Variants in GLI3 observed in about 807,000 individuals in gnomAD.
The protein encoded by GLI3 is transcription activator GLI3.
A neutral mutation model predicts 100.8 loss-of-function variants in GLI3; 20 were observed. That is an observed-to-expected ratio of 0.20 (90% confidence interval 0.14 to 0.29). The LOEUF is 0.29. Ranked by LOEUF, GLI3 falls within the 10% of genes least tolerant of loss-of-function variation. The pLI is 1.00. For missense variants in GLI3, 2,040 were observed against 2,128.5 expected (o/e 0.96, Z 0.82); for synonymous variants, 938 against 860.5 (o/e 1.09, Z -1.58).
chr7:42,171,980 G>A (rs927579426), intron 2 of GLI3, among the ~76,000 whole-genome samples: 8 of 152,154 alleles, frequency 5.3e-5, no homozygotes, highest in Middle Eastern at 3.4e-3. Flanking sequence ...TCCAAAGGAC[G>A]GGGGTGGGGG....
chr7:42,145,944 G>A (rs1452082855), intron 3 of GLI3, among the ~76,000 whole-genome samples: 3 of 152,156 alleles, frequency 2.0e-5, no homozygotes, highest in Non-Finnish European at 4.4e-5. Flanking sequence ...AGAGGGATCA[G>A]CACACTTGTC....
chr7:42,045,430 G>A lies in GLI3; in HGVS notation c.780C>T (p.Thr260=), dbSNP rs370612767. ...CCATGTGGATGGCCCCCGTGCCGGC[G>A]GTGGCAGCTGAGGGAATAATGTCTG... ...PYADIIPSAA[T]AGTGAIHMEY... is the part of the protein sequence containing the mutation. The change falls in exon 6 of 15, where the codon ACC becomes ACT. Residue 260 remains threonine (T), a synonymous_variant. Transcript: ENST00000395925. 22 of 1,613,852 alleles carry A rather than the reference G, an allele frequency of 1.4e-5. No homozygotes were observed. The highest frequency in any genetic ancestry group is 3.3e-5 in the Admixed American group (2 of 60,004).
At chr7:42,036,206 C>A (rs940345626) in intron 7 of GLI3, among the ~76,000 whole-genome samples, 1 of 152,140 alleles carries the variant, frequency 6.6e-6, no homozygotes, top group Non-Finnish European at 1.5e-5. Flanking sequence ...CTATTCACCC[C>A]TCTGGCTCTG....
rs775322839 is a variant in GLI3, at chr7:41,965,052, C to T, written c.4021G>A (p.Gly1341Ser). The change falls in exon 15 of 15, where the codon GGT becomes AGT. Residue 1341 changes from glycine (G) to serine (S), a missense_variant. Gly to Ser is a moderately conservative substitution (Grantham distance 56, BLOSUM62 0). Around this residue, in one of 5 missense-constraint regions of GLI3, gnomAD observed 1,041 missense variants for 924.0 expected, o/e 1.13. Transcript: ENST00000395925. ...CTAATCTGCCCAAGCATCTGCTGACCGGGGCGGCCTGCCCCCGGGTGCTGC... is the reference window on the plus strand; with the variant it reads ...CTAATCTGCCCAAGCATCTGCTGACTGGGGCGGCCTGCCCCCGGGTGCTGC... The part of the protein sequence containing the change: ...SMQHPGAGRP[G>S]QQMLGQISAT... 5 of 1,613,740 alleles carry T rather than the reference C, an allele frequency of 3.1e-6. No homozygotes were observed. The highest frequency in any genetic ancestry group is 1.7e-5 in the Admixed American group (1 of 60,006).
intron 2 of GLI3, among the ~76,000 whole-genome samples, chr7:42,163,753 C>A (rs890204312): frequency 1.3e-5 from 2 of 152,006 alleles, no homozygotes; most frequent in Non-Finnish European, 2.9e-5. Context: ...ATTTTTTACA[C>A]ATCACAACCA....
rs914912356 is a variant in GLI3 at position 41,983,741 on chromosome 7, T to A, written c.1498-4993A>T. Among the ~76,000 whole-genome samples the A allele has an allele frequency of 8.5e-5, 13 of 152,144 alleles. 1 individual carries two copies. The highest frequency in any genetic ancestry group is 8.5e-4 in the Admixed American group (13 of 15,274). On this transcript the variant is annotated intron_variant, in intron 10 of 14. Transcript: ENST00000395925. ...GCGCAGCCACTCTGAACTCTCCCTG[T>A]CTGAATAAACAGGGCCAGGACATCA...
chr7:42,169,709 T>C (rs1489017876), intron 2 of GLI3, among the ~76,000 whole-genome samples: 1 of 151,624 alleles, frequency 6.6e-6, no homozygotes, highest in Non-Finnish European at 1.5e-5. Context: ...AAGTCCTAAA[T>C]GCCCAACAAT....
At chr7:42,250,279 GA>G (rs962322837) in intron 1 of GLI3, among the ~76,000 whole-genome samples, 21 of 152,092 alleles carry the variant, frequency 1.4e-4, no homozygotes, top group Admixed American at 2.6e-4. Flanking sequence ...CTCCTTAAAA[GA>G]AAAAAACCAT....
At chr7:42,173,024 G>T (rs1007942307) in intron 2 of GLI3, among the ~76,000 whole-genome samples, 4 of 152,138 alleles carry the variant, frequency 2.6e-5, no homozygotes, top group African/African-American at 9.7e-5. Context: ...CCCTCTGCAG[G>T]GTAGCCCACT....
intron 2 of GLI3, among the ~76,000 whole-genome samples, chr7:42,199,501 A>C (rs1285369129): frequency 6.6e-6 from 1 of 152,222 alleles, no homozygotes; most frequent in African/African-American, 2.4e-5. Context: ...CAGCTGGGGC[A>C]GACAGCTCTA....
At chr7:42,059,794 T>C (rs1784532337) in intron 4 of GLI3, among the ~76,000 whole-genome samples, 1 of 152,256 alleles carries the variant, frequency 6.6e-6, no homozygotes, top group Non-Finnish European at 1.5e-5. Flanking sequence ...TTTCCTCTCC[T>C]CTTCCCCTAA....
intron 7 of GLI3, among the ~76,000 whole-genome samples, chr7:42,028,315 T>A (rs1789181738): frequency 6.6e-6 from 1 of 152,092 alleles, no homozygotes; most frequent in Non-Finnish European, 1.5e-5. Context: ...TCCCTGAAGG[T>A]CATTTATACT....
Position 41,965,900 on chromosome 7 carries a change from C to G in GLI3, c.3173G>C (p.Arg1058Pro). ...NYTRPEGGQS[R>P]NFHSSPCPPS... ...AGGACAGGGGGACGAGTGGAAGTTT[C>G]GGGACTGGCCGCCCTCGGGCCGCGT... The change falls in exon 15 of 15, where the codon CGA (arginine) becomes CCA (proline). Residue 1058 changes from arginine (R) to proline (P), a missense_variant. Physicochemically the swap from Arg to Pro is moderately radical, Grantham distance 103 (BLOSUM62 -2). Coordinates refer to ENST00000395925, the MANE Select transcript of GLI3 (RefSeq NM_000168.6). 1 of 1,613,520 alleles carries G rather than the reference C, an allele frequency of 6.2e-7. No homozygotes were observed. The highest frequency in any genetic ancestry group is 8.5e-7 in the Non-Finnish European group (1 of 1,179,932).
chr7:42,251,376 C>A (rs1190108484), intron 1 of GLI3, among the ~76,000 whole-genome samples: 1 of 152,216 alleles, frequency 6.6e-6, no homozygotes. Flanking sequence ...TGGTGAGAAT[C>A]TAATGCTGCT....
At chr7:42,255,811 C>A (rs1478692217) in intron 1 of GLI3, among the ~76,000 whole-genome samples, 2 of 152,082 alleles carry the variant, frequency 1.3e-5, no homozygotes, top group African/African-American at 4.8e-5. Context: ...GTCTTAATTT[C>A]TTTTGGATAG....
intron 8 of GLI3, among the ~76,000 whole-genome samples, chr7:42,025,654 C>T (rs1448543455): frequency 2.0e-5 from 3 of 152,204 alleles, no homozygotes; most frequent in Admixed American, 6.5e-5. Context: ...TAGGCTTTAA[C>T]AAGCTCCAAC....
At chr7:42,224,414 G>T (rs1389155058) in intron 1 of GLI3, among the ~76,000 whole-genome samples, 23 of 152,124 alleles carry the variant, frequency 1.5e-4, no homozygotes, top group Non-Finnish European at 2.9e-5. Context: ...ATTTGCAAGG[G>T]AACTGCAAGC....
intron 4 of GLI3, among the ~76,000 whole-genome samples, chr7:42,063,442 T>C (rs1030701061): frequency 2.6e-5 from 4 of 152,180 alleles, no homozygotes; most frequent in Non-Finnish European, 5.9e-5. Context: ...AGAGCTCTTT[T>C]AGAATTATTC....
intron 3 of GLI3, among the ~76,000 whole-genome samples, chr7:42,143,053 C>T (rs1371080590): frequency 6.6e-6 from 1 of 150,676 alleles, no homozygotes; most frequent in African/African-American, 2.4e-5. Context: ...AAGAGAAAGA[C>T]AAGAATAAGC....
Sources: gnomAD v4.1 joint callset for allele counts (sites outside exome capture counted in the v4.1 genomes callset) on GRCh38, gnomAD v4.1.1 for gene constraint, gnomAD v4.1.1 regional missense constraint, MANE v1.5 for transcripts, NCBI Gene and HGNC (gene_info 2026-07-23, HGNC 2026-07-21) for gene names.